Variants in TBC1D30 observed in about 807,000 individuals in gnomAD.
The protein encoded by TBC1D30 is TBC1 domain family member 30, also known as TBC1 domain family, member 30.
In TBC1D30, 31 loss-of-function variants were observed where a neutral mutation model predicts 63.2. The observed-to-expected ratio is 0.49, with a 90% confidence interval of 0.37 to 0.66. The LOEUF (loss-of-function observed/expected upper bound fraction) is 0.66. Ranked by LOEUF, TBC1D30 falls within the 30% of genes least tolerant of loss-of-function variation. The pLI is 0.00. For missense variants in TBC1D30, 810 were observed against 953.6 expected (o/e 0.85, Z 1.98); for synonymous variants, 307 against 361.5 (o/e 0.85, Z 1.71).
At chr12:64,851,925 C>T (rs55794069) in intron 8 of TBC1D30, among the ~76,000 whole-genome samples, 5,468 of 152,174 alleles carry the variant, frequency 0.036, 338 homozygotes, top group African/African-American at 0.13. Flanking sequence ...GTGGGTAAAC[C>T]GACCTTTCTT....
intron 1 of TBC1D30, among the ~76,000 whole-genome samples, chr12:64,766,656 A>C (rs1016099997): frequency 8.5e-5 from 13 of 152,216 alleles, no homozygotes; most frequent in African/African-American, 3.1e-4. Context: ...AAGATGAACA[A>C]GGACATAGAA....
chr12:64,867,020 G>C lies in TBC1D30; in HGVS notation c.1291+117G>C, dbSNP rs189291917. 3.3e-3 allele frequency: 3,847 copies of C among 1,161,918 alleles called. 11 individuals are homozygous for C. The highest frequency in any genetic ancestry group is 5.7e-3 in the Admixed American group (223 of 38,932). 72.0% of individuals were successfully genotyped at this position (1,161,918 alleles called of 1,614,324 possible). ...TCTGAACTGGTTACAACTATTAAAA[G>C]TCTTTATTAGGCTAGTCATGGTGGG... is the stretch of plus-strand genomic sequence containing the variant. On this transcript the variant is annotated intron_variant, in intron 10 of 11. Coordinates refer to ENST00000539867, the MANE Select transcript of TBC1D30 (RefSeq NM_015279.2).
At chr12:64,852,826 A>G (rs1258988785) in intron 8 of TBC1D30, among the ~76,000 whole-genome samples, 1 of 152,200 alleles carries the variant, frequency 6.6e-6, no homozygotes, top group Non-Finnish European at 1.5e-5. Context: ...AGGCTACAGA[A>G]CAGCAAAGAT....
chr12:64,835,809 G>A (rs557029783), intron 5 of TBC1D30, among the ~76,000 whole-genome samples: 2 of 152,298 alleles, frequency 1.3e-5, no homozygotes, highest in Non-Finnish European at 2.9e-5. Flanking sequence ...TACAGAGCTC[G>A]TATGTGTTTG....
At chr12:64,832,054 A>T in intron 4 of TBC1D30, 65 bp from the exon 5 acceptor site, 2 of 1,387,658 alleles carry the variant, frequency 1.4e-6, no homozygotes, top group South Asian at 3.3e-5. Context: ...GTCAAAAAAA[A>T]AAGGTATTGT....
At chr12:64,763,332 A>C (rs1420333940) in intron 1 of TBC1D30, among the ~76,000 whole-genome samples, 1 of 152,174 alleles carries the variant, frequency 6.6e-6, no homozygotes, top group African/African-American at 2.4e-5. Context: ...CAAGTTGTCA[A>C]TTTAATAGCC....
upstream of TBC1D30, among the ~76,000 whole-genome samples, chr12:64,778,834 A>G (rs1871153109): frequency 6.6e-6 from 1 of 152,118 alleles, no homozygotes; most frequent in Non-Finnish European, 1.5e-5. Context: ...CACAGAGAAG[A>G]CATTTAAGCA....
chr12:64,827,723 ATACT>A (rs2136361050), intron 1 of TBC1D30, 108 bp from the exon 2 acceptor site: 2 of 777,736 alleles, frequency 2.6e-6, no homozygotes, highest in South Asian at 3.8e-5. Flanking sequence ...GTAAAGATAC[ATACT>A]TTAAAAAAAA....
intron 2 of TBC1D30, among the ~76,000 whole-genome samples, chr12:64,794,662 T>A (rs182969035): frequency 6.6e-6 from 1 of 152,276 alleles, no homozygotes; most frequent in East Asian, 1.9e-4. Flanking sequence ...CTCAAACTCC[T>A]GGGCTCAATC....
At chr12:64,768,282 C>T (rs1224847337) in intron 1 of TBC1D30, 1 of 151,948 alleles carries the variant, frequency 6.6e-6, no homozygotes, top group African/African-American at 2.4e-5. Flanking sequence ...AATAATGAGA[C>T]TTTATTATGT....
chr12:64,866,612 A>G (rs1468807036), intron 9 of TBC1D30, among the ~76,000 whole-genome samples, 152 bp from the exon 10 acceptor site: 1 of 152,080 alleles, frequency 6.6e-6, no homozygotes, highest in Non-Finnish European at 1.5e-5. Flanking sequence ...TAATTTTTAT[A>G]TATTTTTAGC....
At chr12:64,831,599 C>T (rs1592606354) in intron 4 of TBC1D30, among the ~76,000 whole-genome samples, 2 of 152,112 alleles carry the variant, frequency 1.3e-5, no homozygotes, top group Admixed American at 1.3e-4. Flanking sequence ...TTCTGTCTTT[C>T]TTATATACAT....
At chr12:64,830,557 C>A (rs1429014413) in intron 4 of TBC1D30, 55 bp downstream of exon 4, 8 of 1,424,590 alleles carry the variant, frequency 5.6e-6, no homozygotes. Context: ...ACTCTAAAAG[C>A]CAGTTGCTTT....
intron 2 of TBC1D30, among the ~76,000 whole-genome samples, chr12:64,815,798 T>C (rs1873490834): frequency 6.6e-6 from 1 of 152,022 alleles, no homozygotes; most frequent in Admixed American, 6.6e-5. Context: ...TTTTTTTTTC[T>C]TTTTTGAGAC....
At chr12:64,780,993 A>G in exon 1 of TBC1D30, 1 of 1,053,150 alleles carries the variant, frequency 9.5e-7, no homozygotes, top group Non-Finnish European at 1.2e-6. Flanking sequence ...TGGGACGGCG[A>G]TGAGGACACG....
intron 2 of TBC1D30, among the ~76,000 whole-genome samples, chr12:64,814,802 G>A (rs1873425814): frequency 6.6e-6 from 1 of 152,180 alleles, no homozygotes. Context: ...GCTTCCTTAG[G>A]AGTATTTCTC....
intron 2 of TBC1D30, among the ~76,000 whole-genome samples, chr12:64,802,482 G>C (rs144974191): frequency 7.2e-5 from 11 of 151,904 alleles, no homozygotes; most frequent in South Asian, 4.2e-4. Context: ...CACCAATTTT[G>C]TTTCTTTCTT....
chr12:64,815,658 C>A (rs1240040530), intron 2 of TBC1D30, among the ~76,000 whole-genome samples: 12 of 152,124 alleles, frequency 7.9e-5, no homozygotes, highest in Non-Finnish European at 1.0e-4. Flanking sequence ...TACAATCATG[C>A]ATAAATATAT....
intron 1 of TBC1D30, among the ~76,000 whole-genome samples, chr12:64,765,188 T>C (rs1403296543): frequency 6.6e-6 from 1 of 152,072 alleles, no homozygotes; most frequent in Admixed American, 6.6e-5. Context: ...TGTCCTGCGT[T>C]GAATAAGAAA....
Sources: allele counts gnomAD v4.1 joint callset (sites outside exome capture counted in the v4.1 genomes callset), GRCh38; gene constraint gnomAD v4.1.1; transcripts MANE v1.5; gene names NCBI Gene and HGNC (gene_info 2026-07-23, HGNC 2026-07-21).